The following PDIA4 variants were observed in gnomAD, a reference collection of about 807,000 sequenced individuals.
The protein encoded by PDIA4 is protein disulfide isomerase family A member 4.
Under a neutral mutation model 62.1 loss-of-function variants are expected in PDIA4, and 33 were observed. The ratio of observed to expected loss-of-function variants is 0.53; its 90% CI spans 0.40 to 0.71. The LOEUF (loss-of-function observed/expected upper bound fraction) is 0.71, where lower values mean the gene tolerates loss of function less well. Among genes scored for constraint, PDIA4 ranks in the 30% least tolerant of loss-of-function variants. PDIA4 has a pLI of 0.00. For synonymous variants in PDIA4, 341 were observed against 324.1 expected, an observed-to-expected ratio of 1.05 and a Z score of -0.56; for missense variants, 804 against 813.6, an observed-to-expected ratio of 0.99 and a Z score of 0.14.
intron 1 of PDIA4, 100 bp from the exon 2 acceptor site, chr7:149,021,247 T>C (rs1824340231): frequency 3.3e-6 from 4 of 1,204,468 alleles, no homozygotes; most frequent in African/African-American, 3.0e-5. Flanking sequence ...TCCCAGCACT[T>C]TGGGAGGCTG....
At chr7:149,024,280 A>G (rs955092685) in intron 1 of PDIA4, among the ~76,000 whole-genome samples, 2 of 152,166 alleles carry the variant, frequency 1.3e-5, no homozygotes, top group African/African-American at 2.4e-5. Context: ...TTTAAAGAAT[A>G]AACAAAATGA....
rs546633710 is a variant in PDIA4 at position 149,003,925 on chromosome 7, T to C, written c.1807A>G (p.Ile603Val). The change falls in exon 10 of 10, where the codon ATC becomes GTC. Residue 603 changes from isoleucine (I) to valine (V), a missense_variant. Physicochemically the swap from Ile to Val is conservative, Grantham distance 29. Coordinates refer to ENST00000652332, the MANE Select transcript of PDIA4 (RefSeq NM_004911.5). ...TTGTCCCCACTGGGGGCGAAGTAGA[T>C]GGTGGGGAAGCCCTCCACCTTATAG... Reference protein sequence around the residue: ...DRYKVEGFPTIYFAPSGDKKN... With the variant: ...DRYKVEGFPTVYFAPSGDKKN... The C allele has an allele frequency of 6.6e-5, 106 of 1,613,822 alleles. 1 individual carries two copies. The South Asian group carries it at 8.1e-4, about 12-fold the overall frequency.
In PDIA4 at chr7:149,028,442, G is replaced by A. The variant is rs1341166648; in HGVS notation, c.-34C>T. ...GGGCGGAGCGCGGCCTCCTAGCGTC[G>A]GCGGCCGCTGAGCGCACCGAGAACT... On this transcript the variant is annotated 5_prime_UTR_variant, in exon 1 of 10. Transcript: ENST00000652332. 2 of 1,403,032 alleles carry A rather than the reference G, an allele frequency of 1.4e-6. No individual in the cohort carries two copies. Among genetic ancestry groups the A allele is most frequent in the South Asian group, 2.7e-5 (2 of 73,628 alleles). The allele number at this position is 1,403,032 out of a possible 1,614,324, so 86.9% of individuals were successfully genotyped here.
At chr7:149,010,640 C>T (rs1171415354) in intron 6 of PDIA4, among the ~76,000 whole-genome samples, 1 of 152,206 alleles carries the variant, frequency 6.6e-6, no homozygotes, top group East Asian at 1.9e-4. Context: ...ACCACAGACC[C>T]TTTCATCCCC....
rs1418856786 is a variant in PDIA4 at position 149,004,147 on chromosome 7, C to A, written c.1585G>T (p.Val529Phe). Residue 529 changes from valine (V) to phenylalanine (F), a missense_variant, in exon 10 of 10, where the codon GTC becomes TTC. Val to Phe is a conservative substitution (Grantham distance 50). Coordinates refer to ENST00000652332, the MANE Select transcript of PDIA4 (RefSeq NM_004911.5). ...VPKNNKGPVKVVVGKTFDSIV... is the reference protein window; with the variant it reads ...VPKNNKGPVKFVVGKTFDSIV... ...GAGTCAAAGGTCTTTCCCACCACGA[C>A]CTTGACGGGTCCCTTGTTGTTCTTG... is the stretch of plus-strand genomic sequence containing the variant. 6.2e-7 allele frequency: 1 copy of A among 1,614,164 alleles called. No individual in the cohort carries two copies. Among genetic ancestry groups the A allele is most frequent in the Admixed American group, 1.7e-5 (1 of 60,022 alleles).
chr7:149,027,445 G>A (rs982582207), intron 1 of PDIA4, among the ~76,000 whole-genome samples: 28 of 152,172 alleles, frequency 1.8e-4, no homozygotes, highest in Admixed American at 1.8e-3. Flanking sequence ...ATCAAAGAGT[G>A]TATATTTATA....
At chr7:149,025,707 G>A (rs913449072) in intron 1 of PDIA4, among the ~76,000 whole-genome samples, 4 of 152,092 alleles carry the variant, frequency 2.6e-5, no homozygotes, top group East Asian at 1.9e-4. Flanking sequence ...TTCCCAATAC[G>A]CCCAAAGTTT....
chr7:149,012,811 G>A (rs900060175), intron 4 of PDIA4, among the ~76,000 whole-genome samples: 3 of 152,164 alleles, frequency 2.0e-5, no homozygotes, highest in Admixed American at 1.3e-4. Context: ...GAGGTGGGGC[G>A]AAGAGAGGGT....
At position 149,026,522 on chromosome 7, in the gene PDIA4, G is replaced by A. The variant is rs1373880633; in HGVS notation, c.88+1799C>T. On this transcript the variant is annotated intron_variant, in intron 1 of 9. Transcript: ENST00000652332. ...AAAAATTAGCTGGGTGTGGTGGCACGTGCCTGTGGTCCCAGCTACTAGGGA... is the reference window on the plus strand; with the variant it reads ...AAAAATTAGCTGGGTGTGGTGGCACATGCCTGTGGTCCCAGCTACTAGGGA... 2.2e-4 allele frequency among the ~76,000 whole-genome samples: 34 copies of A among 152,036 alleles called. 1 individual carries two copies. Among genetic ancestry groups the A allele is most frequent in the Admixed American group, 1.8e-3 (28 of 15,252 alleles).
chr7:149,007,284 G>A (rs1176492783), intron 7 of PDIA4, among the ~76,000 whole-genome samples: 1 of 152,184 alleles, frequency 6.6e-6, no homozygotes, highest in Non-Finnish European at 1.5e-5. Context: ...TTCTGGTGCA[G>A]GCCCCCGGGA....
In PDIA4 at chr7:149,011,942, G is replaced by C; in HGVS notation, c.883C>G (p.Gln295Glu). The change falls in exon 6 of 10, where the codon CAG (glutamine) becomes GAG (glutamate). Residue 295 changes from glutamine (Q) to glutamate (E), a missense_variant. By Grantham distance (29) the Gln-to-Glu change is conservative (BLOSUM62 2). Coordinates refer to ENST00000652332, the MANE Select transcript of PDIA4 (RefSeq NM_004911.5). ...CCATCCTTCAGGAACTCCTGGACCT[G>C]CTTCAGGGTCAGAATCTCCTTGGAG... ...PPSKEILTLK[Q>E]VQEFLKDGDD... The C allele has an allele frequency of 6.2e-7, 1 of 1,610,236 alleles. No homozygotes were observed. The highest frequency in any genetic ancestry group is 8.5e-7 in the Non-Finnish European group (1 of 1,177,810).
At chr7:149,005,765 C>T (rs1485642105) in intron 8 of PDIA4, 132 bp downstream of exon 8, 7 of 684,830 alleles carry the variant, frequency 1.0e-5, no homozygotes, top group Non-Finnish European at 1.4e-5. Flanking sequence ...CACCAACGTG[C>T]AAGGGCCCCA....
chr7:149,004,347 A>G lies in PDIA4; in HGVS notation c.1523-138T>C, dbSNP rs983460738. 1.7e-5 allele frequency: 13 copies of G among 784,908 alleles called. No individual in the cohort carries two copies. In the African/African-American group the frequency reaches 1.9e-4, roughly 11 times the overall value. The allele number at this position is 784,908 out of a possible 1,614,324, so 48.6% of individuals were successfully genotyped here. On this transcript the variant is annotated intron_variant, in intron 9 of 9. Transcript: ENST00000652332. ...ACACAGGAAGAGCCCACTACTGTAG[A>G]AAGTAGTAGCTGCTACTCTCTACTC...
chr7:149,013,764 T>G (rs571280563), intron 4 of PDIA4, among the ~76,000 whole-genome samples: 1 of 152,152 alleles, frequency 6.6e-6, no homozygotes, highest in African/African-American at 2.4e-5. Context: ...TGTTTGTGAA[T>G]AAATGGATAA....
At chr7:149,017,403 G>A (rs1263866590) in intron 3 of PDIA4, among the ~76,000 whole-genome samples, 1 of 152,130 alleles carries the variant, frequency 6.6e-6, no homozygotes, top group African/African-American at 2.4e-5. Flanking sequence ...GACCAACATG[G>A]AGAAACCCCG....
Position 149,005,142 on chromosome 7 carries a change from T to A in PDIA4, c.1521A>T (p.Lys507Asn), listed in dbSNP as rs774910804. Residue 507 changes from lysine (K) to asparagine (N), a missense_variant and splice_region_variant, in exon 9 of 10, where the codon AAA (lysine) becomes AAT (asparagine). Physicochemically the swap from Lys to Asn is moderately conservative, Grantham distance 94. Transcript: ENST00000652332. ...TLREFVTAFK[K>N]GKLKPVIKSQ... is the part of the protein sequence containing the mutation. The stretch of plus-strand genomic sequence containing the variant: ...CCCCAGCCCCAGCCACGGGCTCACC[T>A]TTTTTGAAAGCAGTGACAAACTCGC... 2 of 1,609,390 alleles carry A rather than the reference T, an allele frequency of 1.2e-6. No individual in the cohort carries two copies. The highest frequency in any genetic ancestry group is 1.7e-6 in the Non-Finnish European group (2 of 1,175,756).
chr7:149,012,598 TACAGGACACAG>T (rs1823987233), intron 4 of PDIA4, among the ~76,000 whole-genome samples: 1 of 152,084 alleles, frequency 6.6e-6, no homozygotes, highest in African/African-American at 2.4e-5. Flanking sequence ...TACACACATG[TACAGGACACAG>T]ACAGGACATT....
At chr7:149,015,747 C>T (rs993723163) in intron 3 of PDIA4, among the ~76,000 whole-genome samples, 2 of 152,220 alleles carry the variant, frequency 1.3e-5, no homozygotes, top group African/African-American at 4.8e-5. Flanking sequence ...AATCTACAGC[C>T]ACTCCTGCAA....
chr7:149,005,628 T>TC (rs578059478), intron 8 of PDIA4, among the ~76,000 whole-genome samples: 438 of 152,308 alleles, frequency 2.9e-3, no homozygotes, highest in Non-Finnish European at 4.6e-3. Flanking sequence ...GCTGGTCTAG[T>TC]CCCAGCTCTG....
Sources: gnomAD v4.1 joint callset for allele counts (sites outside exome capture counted in the v4.1 genomes callset) on GRCh38, gnomAD v4.1.1 for gene constraint, MANE v1.5 for transcripts, NCBI Gene and HGNC (gene_info 2026-07-23, HGNC 2026-07-21) for gene names.